The following BLTP1 variants were observed in gnomAD, a reference collection of about 807,000 sequenced individuals.
BLTP1 encodes bridge-like lipid transfer protein family member 1.
At chr4:122,236,696 TTGCA>T in the BLTP1 span, 3 of 862,598 alleles carry the variant, frequency 3.5e-6, no homozygotes, top group South Asian at 1.6e-4. Flanking sequence ...GAAAGAATAT[TTGCA>T]GGGAATTTAT....
the BLTP1 span, chr4:122,337,113 T>A: frequency 8.5e-7 from 1 of 1,178,802 alleles, no homozygotes; most frequent in Non-Finnish European, 1.2e-6. Context: ...TTTAAAAGTT[T>A]TCTTAACCTC....
At chr4:122,165,521 C>T in the BLTP1 span, among the ~76,000 whole-genome samples, 15 of 131,366 alleles carry the variant, frequency 1.1e-4, 3 homozygotes, top group Admixed American at 6.7e-4. Flanking sequence ...TGAATAGTGC[C>T]GCAATAAACA....
At chr4:122,262,904 C>T in the BLTP1 span, 4 of 1,614,096 alleles carry the variant, frequency 2.5e-6, no homozygotes, top group East Asian at 8.9e-5. Context: ...CTGGAAGCTT[C>T]CCAAGCCTGC....
At chr4:122,344,980 A>G in the BLTP1 span, 2 of 984,710 alleles carry the variant, frequency 2.0e-6, no homozygotes, top group South Asian at 4.7e-5. Flanking sequence ...ATAAACATCT[A>G]TATAACTATG....
the BLTP1 span, among the ~76,000 whole-genome samples, chr4:122,261,042 AAG>A: frequency 6.6e-6 from 1 of 152,202 alleles, no homozygotes; most frequent in Non-Finnish European, 1.5e-5. Context: ...AGAAACAGTT[AAG>A]AGAGTCTCTG....
the BLTP1 span, chr4:122,333,908 G>GAAA: frequency 7.1e-7 from 1 of 1,402,892 alleles, no homozygotes; most frequent in Non-Finnish European, 9.5e-7. Flanking sequence ...ATTAAAATGA[G>GAAA]ACTTAGTGAC....
At chr4:122,336,275 A>G in the BLTP1 span, 1 of 1,612,714 alleles carries the variant, frequency 6.2e-7, no homozygotes, top group African/African-American at 1.3e-5. Context: ...AGAAATGGTT[A>G]TTAGTCCCTG....
chr4:122,207,074 C>A, the BLTP1 span: 1 of 1,553,196 alleles, frequency 6.4e-7, no homozygotes, highest in Non-Finnish European at 8.7e-7. Context: ...TTTCAACTAA[C>A]TTTACAATTT....
At chr4:122,219,516 G>A in the BLTP1 span, 1 of 1,613,862 alleles carries the variant, frequency 6.2e-7, no homozygotes, top group Admixed American at 1.7e-5. Context: ...TGCGTCCTTG[G>A]GATATTACTG....
At chr4:122,162,661 A>G in the BLTP1 span, 1 of 985,204 alleles carries the variant, frequency 1.0e-6, no homozygotes, top group Non-Finnish European at 1.2e-6. Flanking sequence ...GCTGTTATTA[A>G]CACAAATTAA....
the BLTP1 span, among the ~76,000 whole-genome samples, chr4:122,239,231 A>G: frequency 6.6e-6 from 1 of 152,064 alleles, no homozygotes; most frequent in Admixed American, 6.5e-5. Flanking sequence ...AAACCTTTAT[A>G]AGTGCATTAG....
At chr4:122,328,572 AT>A in the BLTP1 span, 141 of 792,146 alleles carry the variant, frequency 1.8e-4, no homozygotes, top group Middle Eastern at 1.3e-3. Context: ...TTAAATTTAA[AT>A]TTTTTTTTCA....
At chr4:122,240,072 T>C in the BLTP1 span, 1 of 1,614,198 alleles carries the variant, frequency 6.2e-7, no homozygotes, top group South Asian at 1.1e-5. Flanking sequence ...TTCTCAGGCT[T>C]CATTTGTTTC....
At chr4:122,259,898 T>G in the BLTP1 span, 1 of 936,978 alleles carries the variant, frequency 1.1e-6, no homozygotes, top group African/African-American at 1.8e-5. Context: ...AGTCTGTGTA[T>G]AGACTCACAT....
chr4:122,170,798 C>T, the BLTP1 span: 6 of 1,259,358 alleles, frequency 4.8e-6, no homozygotes, highest in African/African-American at 7.8e-5. Context: ...GGATTAACAG[C>T]TGCCAGATTT....
chr4:122,292,929 T>C, the BLTP1 span: 1 of 313,528 alleles, frequency 3.2e-6, no homozygotes, highest in Non-Finnish European at 4.6e-6. Flanking sequence ...GAAAGGAGCC[T>C]CAAGGAACTG....
the BLTP1 span, chr4:122,307,736 T>C: frequency 1.0e-6 from 1 of 985,330 alleles, no homozygotes; most frequent in South Asian, 4.7e-5. Context: ...TGTGCCATTA[T>C]GTGGTTGCCT....
At chr4:122,298,324 G>A in the BLTP1 span, 2 of 487,292 alleles carry the variant, frequency 4.1e-6, no homozygotes, top group Non-Finnish European at 2.7e-6. Context: ...ATAGAGCCAA[G>A]AGAAACTAAG....
At chr4:122,212,752 G>A in the BLTP1 span, among the ~76,000 whole-genome samples, 1 of 152,142 alleles carries the variant, frequency 6.6e-6, no homozygotes, top group Non-Finnish European at 1.5e-5. Context: ...ATTGCTGATA[G>A]GTTATTGTTT....
Sources: allele counts gnomAD v4.1 joint callset (sites outside exome capture counted in the v4.1 genomes callset), GRCh38; gene constraint gnomAD v4.1.1; transcripts MANE v1.5; gene names NCBI Gene and HGNC (gene_info 2026-07-23, HGNC 2026-07-21).